Variants in ENTREP1 observed in about 807,000 individuals in gnomAD.
ENTREP1 encodes the protein endosomal transmembrane epsin interactor 1.
the ENTREP1 span, chr9:69,379,641 GGT>G: frequency 6.6e-6 from 1 of 152,096 alleles, no homozygotes; most frequent in African/African-American, 2.4e-5. Context: ...GTCTGTAGAG[GGT>G]ACATTGGAGG....
At chr9:69,350,154 C>T in the ENTREP1 span, among the ~76,000 whole-genome samples, 4 of 152,042 alleles carry the variant, frequency 2.6e-5, no homozygotes, top group Non-Finnish European at 4.4e-5. Flanking sequence ...TTTGTCTAAC[C>T]CAAGGTCATG....
At chr9:69,355,952 A>G in the ENTREP1 span, among the ~76,000 whole-genome samples, 10 of 152,232 alleles carry the variant, frequency 6.6e-5, no homozygotes, top group African/African-American at 1.9e-4. Context: ...GGTAAAACAT[A>G]TATAACATAA....
chr9:69,325,304 C>G, the ENTREP1 span: 4 of 1,185,638 alleles, frequency 3.4e-6, no homozygotes, highest in Non-Finnish European at 4.2e-6. Context: ...CCTTCCCCGT[C>G]CGTCCATGTC....
chr9:69,380,294 C>T, the ENTREP1 span: 1 of 152,232 alleles, frequency 6.6e-6, no homozygotes, highest in African/African-American at 2.4e-5. Context: ...ATGTGACCAA[C>T]TTTTCTAGAT....
the ENTREP1 span, among the ~76,000 whole-genome samples, chr9:69,343,580 G>A: frequency 3.3e-5 from 5 of 152,170 alleles, no homozygotes; most frequent in South Asian, 4.1e-4. Flanking sequence ...CTGAGTAGCC[G>A]ATGTTGAAAA....
chr9:69,329,663 G>A, the ENTREP1 span: 1 of 985,394 alleles, frequency 1.0e-6, no homozygotes, highest in Non-Finnish European at 1.2e-6. Flanking sequence ...GCTAAGAGAT[G>A]AGCCATCTTG....
At chr9:69,380,786 A>G in the ENTREP1 span, 5 of 152,268 alleles carry the variant, frequency 3.3e-5, no homozygotes, top group African/African-American at 9.7e-5. Flanking sequence ...CTATTAAAGA[A>G]AACCGAAGAC....
the ENTREP1 span, chr9:69,388,601 G>A: frequency 1.6e-6 from 1 of 612,324 alleles, no homozygotes; most frequent in South Asian, 2.4e-5. Context: ...GGGAGACAGA[G>A]GAAGCCGGGG....
chr9:69,356,682 T>C, the ENTREP1 span, among the ~76,000 whole-genome samples: 1 of 152,180 alleles, frequency 6.6e-6, no homozygotes, highest in East Asian at 1.9e-4. Context: ...CTGCTGCCTT[T>C]CTAATCTTCA....
the ENTREP1 span, among the ~76,000 whole-genome samples, chr9:69,358,683 A>G: frequency 3.9e-5 from 6 of 152,328 alleles, no homozygotes; most frequent in Middle Eastern, 3.4e-3. Flanking sequence ...CTGCTTTCTT[A>G]GAAGTTTCTT....
the ENTREP1 span, among the ~76,000 whole-genome samples, chr9:69,358,908 T>C: frequency 7.0e-5 from 10 of 143,868 alleles, no homozygotes; most frequent in South Asian, 2.3e-4. Context: ...CTTTCTTTTT[T>C]TTTTTTTTTT....
At chr9:69,383,662 A>G in the ENTREP1 span, 9 of 1,613,920 alleles carry the variant, frequency 5.6e-6, no homozygotes, top group Non-Finnish European at 7.6e-6. Flanking sequence ...CCCCTGCCAC[A>G]CATCTACGGA....
chr9:69,362,613 A>G, the ENTREP1 span, among the ~76,000 whole-genome samples: 1 of 152,190 alleles, frequency 6.6e-6, no homozygotes, highest in African/African-American at 2.4e-5. Context: ...GATGGTTAAT[A>G]CTGAGTGTCA....
At chr9:69,383,396 G>A in the ENTREP1 span, 1 of 1,329,596 alleles carries the variant, frequency 7.5e-7, no homozygotes, top group Non-Finnish European at 9.7e-7. Flanking sequence ...TGACTGATGG[G>A]TTTAAAAGCA....
chr9:69,388,410 A>T, the ENTREP1 span: 6 of 1,611,076 alleles, frequency 3.7e-6, no homozygotes, highest in Non-Finnish European at 5.1e-6. Flanking sequence ...GATGAGGAGC[A>T]CATGGAGGAA....
At chr9:69,350,477 A>G in the ENTREP1 span, among the ~76,000 whole-genome samples, 1 of 152,156 alleles carries the variant, frequency 6.6e-6, no homozygotes, top group Non-Finnish European at 1.5e-5. Context: ...AAGACCACTC[A>G]CTTCCTGTTC....
At chr9:69,387,058 C>CG in the ENTREP1 span, 2 of 152,234 alleles carry the variant, frequency 1.3e-5, no homozygotes, top group African/African-American at 2.4e-5. Flanking sequence ...TGCAGACCTG[C>CG]GGGGGCAAGA....
At chr9:69,391,887 C>CA in the ENTREP1 span, 483,741 of 1,282,338 alleles carry the variant, frequency 0.38, 93,411 homozygotes, top group Admixed American at 0.46. Flanking sequence ...TGGTCCACCT[C>CA]AAAAAAAAGG....
At chr9:69,371,365 T>C in the ENTREP1 span, 2 of 793,076 alleles carry the variant, frequency 2.5e-6, no homozygotes, top group African/African-American at 1.7e-5. Flanking sequence ...AGTTTGTACA[T>C]TGAAAACACG....
Sources: allele counts gnomAD v4.1 joint callset (sites outside exome capture counted in the v4.1 genomes callset), GRCh38; gene constraint gnomAD v4.1.1; transcripts MANE v1.5; gene names NCBI Gene and HGNC (gene_info 2026-07-23, HGNC 2026-07-21).